FRMD5: variants seen among roughly 807,000 people sequenced by gnomAD.
FRMD5 encodes the protein FERM domain containing 5.
Under a neutral mutation model 69.0 loss-of-function variants are expected in FRMD5, and 20 were observed. That is an observed-to-expected ratio of 0.29 (90% confidence interval 0.20 to 0.42). The LOEUF is 0.42. Ranked by LOEUF, FRMD5 falls within the 10% of genes least tolerant of loss-of-function variation. FRMD5 has a pLI of 1.00. For synonymous variants in FRMD5, 271 were observed against 260.1 expected (o/e 1.04, Z -0.40); for missense variants, 595 against 708.6 (o/e 0.84, Z 1.82).
intron 1 of FRMD5, among the ~76,000 whole-genome samples, chr15:43,973,244 GA>G: frequency 6.6e-6 from 1 of 152,074 alleles, no homozygotes; most frequent in East Asian, 1.9e-4. Flanking sequence ...GGATGGTCTC[GA>G]TCTCCTGACC....
intron 3 of FRMD5, 53 bp downstream of exon 3, chr15:43,919,714 C>A (rs1383393718): frequency 6.4e-7 from 1 of 1,557,686 alleles, no homozygotes; most frequent in Non-Finnish European, 8.9e-7. Context: ...TGGGAGGTTT[C>A]GTCCCACCCT....
intron 1 of FRMD5, among the ~76,000 whole-genome samples, chr15:44,164,569 G>A (rs185238411): frequency 9.9e-5 from 15 of 152,268 alleles, no homozygotes; most frequent in Admixed American, 7.8e-4. Flanking sequence ...TTCATAATTT[G>A]ATGAAATAAC....
At chr15:44,087,153 G>C (rs1460432745) in intron 1 of FRMD5, among the ~76,000 whole-genome samples, 1 of 152,040 alleles carries the variant, frequency 6.6e-6, no homozygotes, top group Non-Finnish European at 1.5e-5. Context: ...CAAGTAGCTG[G>C]GATTACAGGT....
intron 1 of FRMD5, among the ~76,000 whole-genome samples, chr15:44,077,584 CT>C (rs76247519): frequency 6.6e-6 from 1 of 151,978 alleles, no homozygotes; most frequent in Non-Finnish European, 1.5e-5. Flanking sequence ...AAAATACTAA[CT>C]TTTTACCTTT....
At chr15:44,187,402 A>C (rs1047007935) in intron 1 of FRMD5, among the ~76,000 whole-genome samples, 1 of 152,206 alleles carries the variant, frequency 6.6e-6, no homozygotes, top group Non-Finnish European at 1.5e-5. Context: ...TTCCCCAAGC[A>C]GATTTCTGTT....
chr15:44,100,641 C>T (rs1025232539), intron 1 of FRMD5, among the ~76,000 whole-genome samples: 1 of 152,142 alleles, frequency 6.6e-6, no homozygotes, highest in African/African-American at 2.4e-5. Context: ...CTTGTAACAA[C>T]AGAAAGTGAC....
intron 1 of FRMD5, among the ~76,000 whole-genome samples, chr15:44,098,120 A>AAAAAAAAAAAAAAAAC (rs1555403630): frequency 7.0e-6 from 1 of 142,246 alleles, no homozygotes; most frequent in African/African-American, 2.6e-5. Context: ...CAAAACAAAA[A>AAAAAAAAAAAAAAAAC]AAAAAAAACT....
At chr15:43,924,996 G>A (rs1180178668) in intron 1 of FRMD5, among the ~76,000 whole-genome samples, 1 of 147,098 alleles carries the variant, frequency 6.8e-6, no homozygotes, top group Non-Finnish European at 1.5e-5. Context: ...TCAGCTTCTT[G>A]TATATCCTTT....
At chr15:43,906,023 T>A in intron 5 of FRMD5, 72 bp from the exon 6 acceptor site, 3 of 1,592,136 alleles carry the variant, frequency 1.9e-6, no homozygotes, top group Non-Finnish European at 2.6e-6. Context: ...AACAAGAGAT[T>A]AGCACACAGA....
chr15:44,082,431 G>C (rs747730109), intron 1 of FRMD5, among the ~76,000 whole-genome samples: 5 of 152,012 alleles, frequency 3.3e-5, no homozygotes, highest in Non-Finnish European at 7.4e-5. Flanking sequence ...TCCCTGGAGA[G>C]ACCAGGTGTT....
chr15:44,183,057 C>T (rs560102837), intron 1 of FRMD5, among the ~76,000 whole-genome samples: 13 of 152,204 alleles, frequency 8.5e-5, no homozygotes, highest in African/African-American at 2.9e-4. Context: ...CTTGGCCTCC[C>T]AAAGTGCTAG....
chr15:43,902,370 G>C, intron 6 of FRMD5, 108 bp from the exon 7 acceptor site: 1 of 910,148 alleles, frequency 1.1e-6, no homozygotes, highest in Non-Finnish European at 1.8e-6. Context: ...ATCTCAGTTT[G>C]TCTAGGGTGT....
chr15:43,922,539 A>G (rs1252925968), intron 2 of FRMD5, among the ~76,000 whole-genome samples: 1 of 152,098 alleles, frequency 6.6e-6, no homozygotes, highest in South Asian at 2.1e-4. Flanking sequence ...CCACATCCAC[A>G]TATTCTCTTA....
At chr15:43,915,977 T>C (rs934819475) in intron 4 of FRMD5, among the ~76,000 whole-genome samples, 12 of 152,052 alleles carry the variant, frequency 7.9e-5, no homozygotes, top group African/African-American at 2.7e-4. Context: ...AGGAGAAAAA[T>C]GCAGCTAATT....
intron 1 of FRMD5, among the ~76,000 whole-genome samples, chr15:43,957,285 TC>T (rs1186563981): frequency 6.6e-6 from 1 of 152,152 alleles, no homozygotes; most frequent in Non-Finnish European, 1.5e-5. Flanking sequence ...AACCTCTACC[TC>T]CCAAGTTCAA....
intron 1 of FRMD5, among the ~76,000 whole-genome samples, chr15:44,086,011 T>C (rs1371411838): frequency 6.6e-6 from 1 of 152,106 alleles, no homozygotes; most frequent in Non-Finnish European, 1.5e-5. Flanking sequence ...TCTCCTGTCA[T>C]ATTCAGGAGA....
rs1356883229 is a variant in FRMD5 at position 43,873,020 on chromosome 15, T to TATC, written c.*862_*864dup. On this transcript the variant is annotated 3_prime_UTR_variant, in exon 14 of 14. Transcript: ENST00000417257. ...GTCCAACATTTCTGACAGAACTATC[T>TATC]ATCTCTGGTACCACTGAATTCGTTT... 4.7e-6 allele frequency: 3 copies of TATC among 642,036 alleles called. No individual in the cohort carries two copies. The highest frequency in any genetic ancestry group is 4.1e-5 in the South Asian group (2 of 48,370). The allele number at this position is 642,036 out of a possible 1,614,324, so 39.8% of individuals were successfully genotyped here.
chr15:44,195,037 C>T lies in FRMD5; in HGVS notation c.18G>A (p.Met6Ile), dbSNP rs1273589411. Reference protein sequence around the residue: MLSRLMSGSSRSLERE... With the variant: MLSRLISGSSRSLERE... ...GCTCCAGGCTCCTGCTGCTGCCGCT[C>T]ATCAACCTGCTCAGCATCTTCCCGC... Residue 6 changes from methionine to isoleucine, a missense_variant, in exon 1 of 14, where the codon ATG (methionine) becomes ATA (isoleucine). Physicochemically the swap from Met to Ile is conservative, Grantham distance 10. This residue lies in a region of FRMD5 where 44 missense variants were observed against 33.6 expected (regional missense o/e 1.31). Coordinates refer to ENST00000417257, the MANE Select transcript of FRMD5 (RefSeq NM_032892.5). 3 of 1,550,034 alleles carry T rather than the reference C, an allele frequency of 1.9e-6. No homozygotes were observed. The highest frequency in any genetic ancestry group is 2.6e-6 in the Non-Finnish European group (3 of 1,153,214).
At chr15:44,031,602 C>G (rs1454379023) in intron 1 of FRMD5, among the ~76,000 whole-genome samples, 1 of 152,060 alleles carries the variant, frequency 6.6e-6, no homozygotes, top group Admixed American at 6.5e-5. Context: ...ATGACCTAAC[C>G]ACCTCCCGAA....
Sources: allele counts gnomAD v4.1 joint callset (sites outside exome capture counted in the v4.1 genomes callset), GRCh38; gene constraint gnomAD v4.1.1; regional missense constraint gnomAD v4.1.1; transcripts MANE v1.5; gene names NCBI Gene and HGNC (gene_info 2026-07-23, HGNC 2026-07-21).